The following EVI5 variants were observed in gnomAD, a reference collection of about 807,000 sequenced individuals.
The protein encoded by EVI5 is ecotropic viral integration site 5 protein homolog.
Under a neutral mutation model 112.0 loss-of-function variants are expected in EVI5, and 73 were observed. The ratio of observed to expected loss-of-function variants is 0.65; its 90% CI spans 0.54 to 0.79. EVI5 has a LOEUF of 0.79. Ranked by LOEUF, EVI5 falls within the 30% of genes least tolerant of loss-of-function variation. EVI5 has a pLI of 0.00. For synonymous variants in EVI5, 305 were observed against 319.9 expected, an observed-to-expected ratio of 0.95 and a Z score of 0.50; for missense variants, 900 against 968.8, an observed-to-expected ratio of 0.93 and a Z score of 0.94.
At position 92,733,272 on chromosome 1, in the gene EVI5, G is replaced by A. The variant is rs928358917; in HGVS notation, c.149+3126C>T. On this transcript the variant is annotated intron_variant, in intron 2 of 19. Transcript: ENST00000684568. ...ATCTTACTTGGAATAGTCATTCAAG[G>A]ATTCGGGCCAGAAATCACAAGGAAA... 5 of 184,652 alleles carry A rather than the reference G, an allele frequency of 2.7e-5. No individual in the cohort carries two copies. In the East Asian group the frequency reaches 6.5e-4, roughly 24 times the overall value. 11.4% of individuals were successfully genotyped at this position (184,652 alleles called of 1,614,324 possible). A position where few individuals can be genotyped will look rare whatever the true frequency, so the allele number is the denominator to read the frequency against.
chr1:92,741,955 G>GA (rs1271432927), intron 1 of EVI5, among the ~76,000 whole-genome samples: 4 of 150,998 alleles, frequency 2.6e-5, no homozygotes, highest in Non-Finnish European at 3.0e-5. Context: ...GCAACAAAAG[G>GA]AAAAAAAAGA....
At chr1:92,523,842 T>C (rs925768365) in intron 19 of EVI5, among the ~76,000 whole-genome samples, 1 of 152,082 alleles carries the variant, frequency 6.6e-6, no homozygotes, top group African/African-American at 2.4e-5. Context: ...TCCCAGCACT[T>C]TGGGAGGCCG....
Position 92,693,877 on chromosome 1 carries a change from T to C in EVI5, c.1022A>G (p.His341Arg). The change falls in exon 9 of 20, where the codon CAT becomes CGT. Residue 341 changes from histidine (H) to arginine (R), a missense_variant. By Grantham distance (29) the His-to-Arg change is conservative. Transcript: ENST00000684568. ...CTTGTCTGGGACACCATCAAACTGA[T>C]GTGGAATGACCTTTTGAAAGTGCTA... ...MLQHFQKVIP[H>R]QFDGVPDKLI... 1.1e-5 allele frequency: 18 copies of C among 1,600,504 alleles called. No individual in the cohort carries two copies. The highest frequency in any genetic ancestry group is 1.5e-5 in the Non-Finnish European group (18 of 1,168,258).
intron 18 of EVI5, among the ~76,000 whole-genome samples, chr1:92,569,709 C>T (rs1288841438): frequency 6.6e-6 from 1 of 151,800 alleles, no homozygotes; most frequent in Non-Finnish European, 1.5e-5. Context: ...CAAAAACTAG[C>T]CAGGCATGGT....
Position 92,768,420 on chromosome 1 carries a change from T to A in EVI5, c.-82+16416A>T, listed in dbSNP as rs1340192404. Among the ~76,000 whole-genome samples, 3 of 152,322 alleles carry A rather than the reference T, an allele frequency of 2.0e-5. No individual in the cohort carries two copies. The East Asian group carries it at 5.8e-4, about 29-fold the overall frequency. ...TACTCAACTCCAACACATCCACACC[T>A]TTCTAGTTCTCACCTGCCATAGGCA... is the stretch of plus-strand genomic sequence containing the variant. On this transcript the variant is annotated intron_variant, in intron 1 of 19. Coordinates refer to ENST00000684568, the MANE Select transcript of EVI5 (RefSeq NM_001350197.2).
chr1:92,509,558 C>G lies in EVI5; in HGVS notation c.*4098G>C, dbSNP rs200961925. 1 of 150,682 alleles carries G rather than the reference C, an allele frequency of 6.6e-6. No individual in the cohort carries two copies. Among genetic ancestry groups the G allele is most frequent in the African/African-American group, 2.4e-5 (1 of 40,910 alleles). The allele number at this position is 150,682 out of a possible 1,614,324, so 9.3% of individuals were successfully genotyped here. On this transcript the variant is annotated 3_prime_UTR_variant, in exon 20 of 20. Coordinates refer to ENST00000684568, the MANE Select transcript of EVI5 (RefSeq NM_001350197.2). ...CCCAGGTTGGAGTGCAGTGGTTATT[C>G]TTTCACAGGTGTGATCATTACACAC... is the stretch of plus-strand genomic sequence containing the variant.
At chr1:92,594,657 A>C (rs1647238518) in intron 18 of EVI5, among the ~76,000 whole-genome samples, 5 of 151,928 alleles carry the variant, frequency 3.3e-5, no homozygotes, top group African/African-American at 1.2e-4. Flanking sequence ...AAATTTTCGC[A>C]ACCTACTCAT....
intron 2 of EVI5, among the ~76,000 whole-genome samples, chr1:92,713,660 C>T (rs775603173): frequency 3.3e-5 from 5 of 151,956 alleles, no homozygotes; most frequent in Non-Finnish European, 5.9e-5. Context: ...GCCTGTGATC[C>T]CAGCTACTTG....
rs1005999133 is a variant in EVI5, at chr1:92,702,580, C to T, written c.565-365G>A. On this transcript the variant is annotated intron_variant, in intron 4 of 19. Coordinates refer to ENST00000684568, the MANE Select transcript of EVI5 (RefSeq NM_001350197.2). ...CAGCACTTTGGGAGGCAGAGGCAGG[C>T]GGATCACCTGAGGCCAGGAGTTCGA... Among the ~76,000 whole-genome samples, 7 of 151,770 alleles carry T rather than the reference C, an allele frequency of 4.6e-5. No individual in the cohort carries two copies. The South Asian group carries it at 8.3e-4, about 18-fold the overall frequency.
At chr1:92,758,398 G>A (rs1237327412) in intron 1 of EVI5, among the ~76,000 whole-genome samples, 2 of 151,750 alleles carry the variant, frequency 1.3e-5, no homozygotes, top group African/African-American at 4.8e-5. Flanking sequence ...GCAAAACCCC[G>A]TCTCTACAAA....
intron 1 of EVI5, among the ~76,000 whole-genome samples, chr1:92,780,550 T>C (rs1262571166): frequency 6.6e-6 from 1 of 152,150 alleles, no homozygotes; most frequent in Non-Finnish European, 1.5e-5. Flanking sequence ...GGATGACAAA[T>C]ATACAAATAG....
rs558876073 is a variant in EVI5, at chr1:92,509,934, T to C, written c.*3722A>G. 6.6e-6 allele frequency: 1 copy of C among 152,190 alleles called. No individual in the cohort carries two copies. The highest frequency in any genetic ancestry group is 1.9e-4 in the East Asian group (1 of 5,196). 9.4% of individuals were successfully genotyped at this position (152,190 alleles called of 1,614,324 possible). ...CAAAATGTCAGTAATTAAATAAAATTCATCGAGAACATTGTTCAATGCTTC... is the reference window on the plus strand; with the variant it reads ...CAAAATGTCAGTAATTAAATAAAATCCATCGAGAACATTGTTCAATGCTTC... On this transcript the variant is annotated 3_prime_UTR_variant, in exon 20 of 20. Transcript: ENST00000684568.
At chr1:92,780,901 G>C (rs12401423) in intron 1 of EVI5, among the ~76,000 whole-genome samples, 89,730 of 150,056 alleles carry the variant, frequency 0.6, 27,843 homozygotes, top group East Asian at 0.92. Context: ...GCCCAGGCTA[G>C]AGTGCAATGG....
Position 92,663,445 on chromosome 1 carries a change from G to T in EVI5, c.1220C>A (p.Ala407Asp). The T allele has an allele frequency of 7.0e-7, 1 of 1,418,686 alleles. No individual in the cohort carries two copies. Among genetic ancestry groups the T allele is most frequent in the Non-Finnish European group, 9.4e-7 (1 of 1,062,852 alleles). The allele number at this position is 1,418,686 out of a possible 1,614,324, so 87.9% of individuals were successfully genotyped here. The part of the protein sequence containing the change: ...QRIETLEKES[A>D]SLADRLIQGQ... ...CTGTATCAATCTATCTGCCAAGGAA[G>T]CACTTTCCTACAAAAGGAAAAATTC... Residue 407 changes from alanine to aspartate, a missense_variant, in exon 12 of 20, where the codon GCT becomes GAT. Ala to Asp is a moderately radical substitution (Grantham distance 126). Coordinates refer to ENST00000684568, the MANE Select transcript of EVI5 (RefSeq NM_001350197.2).
At chr1:92,779,517 CAAA>C (rs200753556) in intron 1 of EVI5, among the ~76,000 whole-genome samples, 1 of 118,636 alleles carries the variant, frequency 8.4e-6, no homozygotes, top group Non-Finnish European at 1.8e-5. Flanking sequence ...GACTCCGTCT[CAAA>C]AAAAAAAAAA....
chr1:92,683,390 C>A (rs2102373919), intron 9 of EVI5, among the ~76,000 whole-genome samples: 1 of 152,216 alleles, frequency 6.6e-6, no homozygotes, highest in East Asian at 1.9e-4. Context: ...ACTTCCATAC[C>A]AAAACCCCAT....
intron 1 of EVI5, among the ~76,000 whole-genome samples, chr1:92,745,574 G>A (rs1166163940): frequency 6.6e-6 from 1 of 152,140 alleles, no homozygotes; most frequent in East Asian, 1.9e-4. Flanking sequence ...AACACTTTGG[G>A]AGGCAGAGGC....
At chr1:92,788,199 G>C (rs1424644955), upstream of EVI5, among the ~76,000 whole-genome samples, 4 of 152,172 alleles carry the variant, frequency 2.6e-5, no homozygotes, top group African/African-American at 9.7e-5. Flanking sequence ...GCCGGGCGTA[G>C]TGGCTCACAC....
rs754157695 is a variant in EVI5, at chr1:92,785,058, G to C, written c.-304C>G. ...CGGAACTGCAGCCAGCCCCTTGCCA[G>C]CTGGCCAGCTGGTTCCTCCGGGGTC... On this transcript the variant is annotated 5_prime_UTR_variant, in exon 1 of 20. Coordinates refer to ENST00000684568, the MANE Select transcript of EVI5 (RefSeq NM_001350197.2). 3 of 985,390 alleles carry C rather than the reference G, an allele frequency of 3.0e-6. No individual in the cohort carries two copies. The African/African-American group carries it at 5.2e-5, about 17-fold the overall frequency. 61.0% of individuals were successfully genotyped at this position (985,390 alleles called of 1,614,324 possible). A position where few individuals can be genotyped will look rare whatever the true frequency, so the allele number is the denominator to read the frequency against.
Sources: gnomAD v4.1 joint callset for allele counts (sites outside exome capture counted in the v4.1 genomes callset) on GRCh38, gnomAD v4.1.1 for gene constraint, MANE v1.5 for transcripts, NCBI Gene and HGNC (gene_info 2026-07-23, HGNC 2026-07-21) for gene names.